The following PPP2R2D variants were observed in gnomAD, a reference collection of about 807,000 sequenced individuals.
The protein encoded by PPP2R2D is protein phosphatase 2 regulatory subunit Bdelta.
Under a neutral mutation model 31.1 loss-of-function variants are expected in PPP2R2D, and 9 were observed. The observed-to-expected ratio is 0.29, with a 90% CI of 0.17 to 0.51. The LOEUF is 0.51. Ranked by LOEUF, PPP2R2D falls within the 20% of genes least tolerant of loss-of-function variation. The pLI is 0.98. For missense variants in PPP2R2D, 391 were observed against 465.6 expected, an observed-to-expected ratio of 0.84 and a Z score of 1.48; for synonymous variants, 179 against 172.6, an observed-to-expected ratio of 1.04 and a Z score of -0.29.
rs782617635 is a variant in PPP2R2D at position 131,940,096 on chromosome 10, G to C, written c.264G>C (p.Pro88=). 2 of 778,594 alleles carry C rather than the reference G, an allele frequency of 2.6e-6. No homozygotes were observed. Among genetic ancestry groups the C allele is most frequent in the African/African-American group, 3.4e-5 (2 of 58,988 alleles). The allele number at this position is 778,594 out of a possible 1,614,324, so 48.2% of individuals were successfully genotyped here. ...ACAGCACCTTTCAAAGTCATGAACC[G>C]GAGTTTGACTATTTGAAAAGTCTAG... ...NVYSTFQSHE[P]EFDYLKSLEI... Residue 88 remains proline, a synonymous_variant, in exon 4 of 9, where the codon CCG becomes CCC. Transcript: ENST00000455566.
In PPP2R2D at chr10:131,948,437, AGAG is replaced by A. The variant is rs74477162; in HGVS notation, c.1082+650_1082+652del. On this transcript the variant is annotated intron_variant, in intron 8 of 8. Transcript: ENST00000455566. ...ATTTTTGTTCAGAATTCAAGAGAAC[AGAG>A]GAGTCTATTGGCAATAAGTGATTGA... Among the ~76,000 whole-genome samples the A allele has an allele frequency of 5.8e-4, 89 of 152,388 alleles. 1 individual carries two copies. In the East Asian group the frequency reaches 0.015, roughly 26 times the overall value.
Position 131,915,575 on chromosome 10 carries a change from A to G in PPP2R2D, c.100+14245A>G, listed in dbSNP as rs565273856. 4.6e-5 allele frequency among the ~76,000 whole-genome samples: 7 copies of G among 152,304 alleles called. 1 individual carries two copies. The East Asian group carries it at 1.2e-3, about 25-fold the overall frequency. The stretch of plus-strand genomic sequence containing the variant: ...CCCGCACTCCTTCCTCACTGGAGGC[A>G]CTGTCTGTGAAATTGGTTCATAGCC... On this transcript the variant is annotated intron_variant, in intron 2 of 8. Coordinates refer to ENST00000455566, the MANE Select transcript of PPP2R2D (RefSeq NM_018461.5).
chr10:131,917,539 G>A (rs1589929380), intron 2 of PPP2R2D, among the ~76,000 whole-genome samples: 1 of 131,734 alleles, frequency 7.6e-6, no homozygotes, highest in Admixed American at 7.7e-5. Context: ...CCTCAGGCGG[G>A]TGGAATGACA....
At chr10:131,962,859 G>A (rs1554901672), downstream of PPP2R2D, among the ~76,000 whole-genome samples, 2 of 152,164 alleles carry the variant, frequency 1.3e-5, no homozygotes, top group Non-Finnish European at 2.9e-5. Flanking sequence ...GCTTGCCTTG[G>A]AGTTGTTAGA....
chr10:131,948,602 C>T (rs528184265), intron 8 of PPP2R2D, among the ~76,000 whole-genome samples: 1 of 152,184 alleles, frequency 6.6e-6, no homozygotes, highest in Non-Finnish European at 1.5e-5. Flanking sequence ...TAAGAGGGAG[C>T]TGAAACCAGA....
chr10:131,970,893 C>A, the PPP2R2D span: 1 of 1,614,272 alleles, frequency 6.2e-7, no homozygotes, highest in Non-Finnish European at 8.5e-7. This position sits in a 1 kb window ranked among gnomAD's most constrained non-coding sequence, Gnocchi z 4.1. Context: ...GCCGACTTGA[C>A]CAATCCCATA....
rs2035482860 is a variant in PPP2R2D at position 131,901,056 on chromosome 10, G to GCGGCGGCGGCGGCGC, written c.-93_-92insCGGCGGCGGCGGCGC. ...GGCGGCGGCGGCGGCGCCGGCGGTG[G>GCGGCGGCGGCGGCGC]TGGCGGCCCCGGGGCTGAGCGCTCG... On this transcript the variant is annotated 5_prime_UTR_variant, in exon 1 of 9. Transcript: ENST00000455566. 2 of 166,164 alleles carry GCGGCGGCGGCGGCGC rather than the reference G, an allele frequency of 1.2e-5. No individual in the cohort carries two copies. Among genetic ancestry groups the GCGGCGGCGGCGGCGC allele is most frequent in the South Asian group, 3.5e-4 (2 of 5,786 alleles). The allele number at this position is 166,164 out of a possible 1,614,324, so 10.3% of individuals were successfully genotyped here.
intron 2 of PPP2R2D, among the ~76,000 whole-genome samples, chr10:131,901,886 C>A (rs965473557): frequency 6.6e-6 from 1 of 152,196 alleles, no homozygotes; most frequent in Non-Finnish European, 1.5e-5. Flanking sequence ...GTTCTAAAAT[C>A]CTTGAATTTT....
chr10:131,948,840 A>G (rs911625280), intron 8 of PPP2R2D, among the ~76,000 whole-genome samples: 1 of 152,234 alleles, frequency 6.6e-6, no homozygotes. Flanking sequence ...GAGTTGGAAC[A>G]GGGACCCCTG....
chr10:131,945,198 C>T lies in PPP2R2D; in HGVS notation c.656-97C>T, dbSNP rs2036512667. 19 of 1,399,548 alleles carry T rather than the reference C, an allele frequency of 1.4e-5. No homozygotes were observed. Among genetic ancestry groups the T allele is most frequent in the Non-Finnish European group, 1.6e-5 (16 of 1,021,586 alleles). 86.7% of individuals were successfully genotyped at this position (1,399,548 alleles called of 1,614,324 possible). On this transcript the variant is annotated intron_variant, in intron 6 of 8. Transcript: ENST00000455566. The surrounding 1 kb of genome is among the most constrained non-coding windows in gnomAD (Gnocchi z 4.8). ...TTAATAGCTAATCCCTTAAACCTCA[C>T]TGCGTGGATTATTTGGCGTCCTATT...
At chr10:131,971,371 A>G in the PPP2R2D span, 1 of 245,934 alleles carries the variant, frequency 4.1e-6, no homozygotes, top group South Asian at 5.4e-5. Flanking sequence ...GGCTCAAAAC[A>G]GGGACATGAC....
At chr10:131,913,578 G>A (rs1468448859) in intron 2 of PPP2R2D, among the ~76,000 whole-genome samples, 2 of 152,184 alleles carry the variant, frequency 1.3e-5, no homozygotes, top group Non-Finnish European at 2.9e-5. Context: ...GACAAAAGGC[G>A]ATTGGTGAAT....
chr10:131,955,641 C>G (rs782713273), intron 8 of PPP2R2D, 43 bp from the exon 9 acceptor site: 1 of 1,355,880 alleles, frequency 7.4e-7, no homozygotes, highest in Non-Finnish European at 9.6e-7. Context: ...TGCTGCCGCT[C>G]CCCCCACTGA....
At chr10:131,969,671 G>A in the PPP2R2D span, 2 of 152,392 alleles carry the variant, frequency 1.3e-5, no homozygotes, top group South Asian at 2.1e-4. Flanking sequence ...TGCCCCCAGT[G>A]GCATTCCGGT....
chr10:131,903,243 G>GT (rs2035530024), intron 2 of PPP2R2D, among the ~76,000 whole-genome samples: 1 of 152,052 alleles, frequency 6.6e-6, no homozygotes, highest in African/African-American at 2.4e-5. Flanking sequence ...AAGGTGGACA[G>GT]ATCACTTGAG....
chr10:131,914,846 A>G (rs2035749192), intron 2 of PPP2R2D, among the ~76,000 whole-genome samples: 3 of 152,190 alleles, frequency 2.0e-5, no homozygotes. Context: ...TTTATTCTGC[A>G]CATTTCTGTA....
chr10:131,940,504 C>T, intron 4 of PPP2R2D, 78 bp from the exon 5 acceptor site: 1 of 678,004 alleles, frequency 1.5e-6, no homozygotes, highest in South Asian at 1.7e-5. Context: ...ACACCGCTTT[C>T]TAATACCAGT....
At position 131,945,666 on chromosome 10, in the gene PPP2R2D, AC is replaced by A; in HGVS notation, c.820+209del. 1.7e-6 allele frequency: 1 copy of A among 597,582 alleles called. No individual in the cohort carries two copies. Among genetic ancestry groups the A allele is most frequent in the East Asian group, 3.0e-5 (1 of 33,150 alleles). 37.0% of individuals were successfully genotyped at this position (597,582 alleles called of 1,614,324 possible). A position where few individuals can be genotyped will look rare whatever the true frequency, so the allele number is the denominator to read the frequency against. On this transcript the variant is annotated intron_variant, in intron 7 of 8. Coordinates refer to ENST00000455566, the MANE Select transcript of PPP2R2D (RefSeq NM_018461.5). This position sits in a 1 kb window ranked among gnomAD's most constrained non-coding sequence, Gnocchi z 4.8. ...GTACAGACAGGGTTTCACCATGTTGACCAGACTGGTCTGACCTCAGGTGATC... is the reference window on the plus strand; with the variant it reads ...GTACAGACAGGGTTTCACCATGTTGACAGACTGGTCTGACCTCAGGTGATC...
chr10:131,922,178 C>T (rs999706225), intron 2 of PPP2R2D, among the ~76,000 whole-genome samples: 9 of 152,256 alleles, frequency 5.9e-5, no homozygotes, highest in South Asian at 2.1e-4. Flanking sequence ...ACTAATTTTC[C>T]GAGTAAAACA....
Sources: gnomAD v4.1 joint callset for allele counts (sites outside exome capture counted in the v4.1 genomes callset) on GRCh38, gnomAD v4.1.1 for gene constraint, Gnocchi (gnomAD v3.1) non-coding constraint, MANE v1.5 for transcripts, NCBI Gene and HGNC (gene_info 2026-07-23, HGNC 2026-07-21) for gene names.